PDZRN3: variants seen among roughly 807,000 people sequenced by gnomAD.
The protein encoded by PDZRN3 is E3 ubiquitin-protein ligase PDZRN3.
In PDZRN3, 38 loss-of-function variants were observed where a neutral mutation model predicts 85.7. That is an observed-to-expected ratio of 0.44 (90% CI 0.34 to 0.58). The LOEUF is 0.58. Among genes scored for constraint, PDZRN3 ranks in the 20% least tolerant of loss-of-function variants. The probability of loss-of-function intolerance (pLI) is 0.01; values close to 1 mark genes in which losing one functional copy is unlikely to be tolerated. For missense variants in PDZRN3, 1,629 were observed against 1,506.4 expected (o/e 1.08, Z -1.35); for synonymous variants, 759 against 638.0 (o/e 1.19, Z -2.86).
At chr3:73,434,103 T>C (rs1477954862) in intron 3 of PDZRN3, 1 of 275,052 alleles carries the variant, frequency 3.6e-6, no homozygotes, top group Non-Finnish European at 5.5e-6. Context: ...AATTGCCAAC[T>C]ATGACAGTTG....
chr3:73,417,961 C>G (rs962053874), intron 3 of PDZRN3, among the ~76,000 whole-genome samples: 7 of 152,120 alleles, frequency 4.6e-5, no homozygotes, highest in Admixed American at 2.0e-4. Context: ...GTGGAAGACA[C>G]AGAAATTGGG....
At chr3:73,535,187 A>G (rs1204306421) in intron 3 of PDZRN3, among the ~76,000 whole-genome samples, 1 of 152,124 alleles carries the variant, frequency 6.6e-6, no homozygotes, top group Non-Finnish European at 1.5e-5. Context: ...GGAACAGAGC[A>G]GCTGCTGACC....
intron 3 of PDZRN3, among the ~76,000 whole-genome samples, chr3:73,563,778 A>T (rs557286782): frequency 6.6e-6 from 1 of 152,336 alleles, no homozygotes; most frequent in South Asian, 2.1e-4. Flanking sequence ...CTCTTACAAC[A>T]TCCTATGAGG....
At chr3:73,521,707 C>T (rs979481915) in intron 3 of PDZRN3, among the ~76,000 whole-genome samples, 3 of 152,148 alleles carry the variant, frequency 2.0e-5, no homozygotes, top group African/African-American at 7.2e-5. Context: ...TATTTTACCT[C>T]TTCCACCCTG....
chr3:73,384,040 G>A lies in PDZRN3; in HGVS notation c.2526C>T (p.Ala842=), dbSNP rs764127424. The A allele has an allele frequency of 6.3e-7, 1 of 1,598,926 alleles. No individual in the cohort carries two copies. The highest frequency in any genetic ancestry group is 1.1e-5 in the South Asian group (1 of 88,908). ...GCGTGGGGCTCCGGCTCCCGTCGCT[G>A]GCTCTCCGCTCTTTGCTTTCCAGGG... ...NQPLESKERR[A]SDGSRSPTPS... is the part of the protein sequence containing the mutation. Residue 842 remains alanine, a synonymous_variant, in exon 10 of 10, where the codon GCC becomes GCT. Transcript: ENST00000263666.
In PDZRN3 at chr3:73,481,061, T is replaced by TAAATGGC. The variant is rs1703551418; in HGVS notation, c.919-76673_919-76667dup. ...AGTGATTGCCCACAGTCATGTTTAG[T>TAAATGGC]AAATGGCAGAGTTGCAATGTGGCCC... On this transcript the variant is annotated intron_variant, in intron 3 of 9. Transcript: ENST00000263666. 2.0e-5 allele frequency among the ~76,000 whole-genome samples: 3 copies of TAAATGGC among 152,310 alleles called. No homozygotes were observed. The South Asian group carries it at 6.2e-4, about 32-fold the overall frequency.
At chr3:73,418,419 T>C (rs1454276395) in intron 3 of PDZRN3, among the ~76,000 whole-genome samples, 3 of 152,198 alleles carry the variant, frequency 2.0e-5, no homozygotes, top group Admixed American at 6.5e-5. Flanking sequence ...AATAGTATAC[T>C]TGCATCTGAA....
intron 3 of PDZRN3, among the ~76,000 whole-genome samples, chr3:73,534,263 A>G (rs951636571): frequency 2.6e-5 from 4 of 152,214 alleles, no homozygotes; most frequent in East Asian, 1.9e-4. Flanking sequence ...TGCCCAGCAC[A>G]TAACAATGAA....
In PDZRN3 at chr3:73,383,258, G is replaced by GAAGACCGTACTTATCTTATATAC; in HGVS notation, c.*84_*106dup. On this transcript the variant is annotated 3_prime_UTR_variant, in exon 10 of 10. Coordinates refer to ENST00000263666, the MANE Select transcript of PDZRN3 (RefSeq NM_015009.3). ...GTTTGCAAATTTGGACTATAAACATGAAGACCGTACTTATCTTATATACAA... is the reference window on the plus strand; with the variant it reads ...GTTTGCAAATTTGGACTATAAACATGAAGACCGTACTTATCTTATATACAAGACCGTACTTATCTTATATACAA... 1.9e-6 allele frequency: 2 copies of GAAGACCGTACTTATCTTATATAC among 1,066,098 alleles called. No individual in the cohort carries two copies. Among genetic ancestry groups the GAAGACCGTACTTATCTTATATAC allele is most frequent in the Non-Finnish European group, 2.7e-6 (2 of 728,754 alleles). 66.0% of individuals were successfully genotyped at this position (1,066,098 alleles called of 1,614,324 possible).
intron 3 of PDZRN3, among the ~76,000 whole-genome samples, chr3:73,477,015 C>T (rs1442252909): frequency 4.6e-5 from 7 of 152,116 alleles, no homozygotes; most frequent in African/African-American, 2.4e-5. Context: ...ACAGTAACTA[C>T]CATTGATACC....
chr3:73,399,545 A>C (rs1353062929), intron 5 of PDZRN3, among the ~76,000 whole-genome samples: 1 of 152,150 alleles, frequency 6.6e-6, no homozygotes, highest in Non-Finnish European at 1.5e-5. Flanking sequence ...ATACATAACA[A>C]ATTAAGGAAC....
Position 73,624,322 on chromosome 3 carries a change from C to T in PDZRN3, c.504G>A (p.Ala168=). 2 of 1,311,976 alleles carry T rather than the reference C, an allele frequency of 1.5e-6. No individual in the cohort carries two copies. The highest frequency in any genetic ancestry group is 1.9e-6 in the Non-Finnish European group (2 of 1,037,914). The allele number at this position is 1,311,976 out of a possible 1,614,324, so 81.3% of individuals were successfully genotyped here. A position where few individuals can be genotyped will look rare whatever the true frequency, so the allele number is the denominator to read the frequency against. Residue 168 remains alanine, a synonymous_variant, in exon 1 of 10, where the codon GCG becomes GCA. Coordinates refer to ENST00000263666, the MANE Select transcript of PDZRN3 (RefSeq NM_015009.3). ...GGHCCARALR[A]HNGALQARLG... ...GGCGGGCCTGGAGCGCGCCGTTGTG[C>T]GCCCGCAGCGCTCGCGCGCAGCAGT... is the stretch of plus-strand genomic sequence containing the variant.
chr3:73,567,214 T>C (rs896726612), intron 3 of PDZRN3, among the ~76,000 whole-genome samples: 12 of 152,274 alleles, frequency 7.9e-5, no homozygotes, highest in Non-Finnish European at 1.5e-4. Flanking sequence ...TGGACATCTA[T>C]CCTTCCTGGG....
intron 3 of PDZRN3, among the ~76,000 whole-genome samples, chr3:73,592,154 C>T (rs975591349): frequency 2.6e-5 from 4 of 152,190 alleles, no homozygotes; most frequent in Admixed American, 6.5e-5. Flanking sequence ...TTTGGATGTG[C>T]GTTGCATTTA....
At chr3:73,504,958 C>G (rs1653085173) in intron 3 of PDZRN3, among the ~76,000 whole-genome samples, 2 of 152,178 alleles carry the variant, frequency 1.3e-5, no homozygotes, top group African/African-American at 4.8e-5. Context: ...ACAATGTTTT[C>G]ATATGAATGT....
chr3:73,559,837 G>C (rs1701779003), intron 3 of PDZRN3, among the ~76,000 whole-genome samples: 1 of 152,170 alleles, frequency 6.6e-6, no homozygotes, highest in African/African-American at 2.4e-5. Flanking sequence ...AAAGCAAAAT[G>C]AAAGCCTAAA....
At chr3:73,575,142 C>T (rs944953017) in intron 3 of PDZRN3, among the ~76,000 whole-genome samples, 3 of 152,154 alleles carry the variant, frequency 2.0e-5, no homozygotes, top group East Asian at 1.9e-4. Flanking sequence ...AAGTAATGAA[C>T]GTAAGCAGCA....
At chr3:73,490,360 T>C (rs976883575) in intron 3 of PDZRN3, among the ~76,000 whole-genome samples, 1 of 152,226 alleles carries the variant, frequency 6.6e-6, no homozygotes, top group African/African-American at 2.4e-5. Context: ...GAAATCACAC[T>C]GTGCTCCTGT....
chr3:73,541,204 A>G (rs1183672123), intron 3 of PDZRN3, among the ~76,000 whole-genome samples: 1 of 152,228 alleles, frequency 6.6e-6, no homozygotes, highest in Admixed American at 6.5e-5. Flanking sequence ...CATATCTTTA[A>G]AAGCTTACTG....
Sources: gnomAD v4.1 joint callset for allele counts (sites outside exome capture counted in the v4.1 genomes callset) on GRCh38, gnomAD v4.1.1 for gene constraint, MANE v1.5 for transcripts, NCBI Gene and HGNC (gene_info 2026-07-23, HGNC 2026-07-21) for gene names.